The following TENM2 variants were observed in gnomAD, a reference collection of about 807,000 sequenced individuals.
The protein encoded by TENM2 is teneurin transmembrane protein 2.
Under a neutral mutation model 245.2 loss-of-function variants are expected in TENM2, and 52 were observed. The observed-to-expected ratio is 0.21, with a 90% CI of 0.17 to 0.27. The LOEUF (loss-of-function observed/expected upper bound fraction) is 0.27. Ranked by LOEUF, TENM2 falls within the 10% of genes least tolerant of loss-of-function variation. The probability of loss-of-function intolerance (pLI) is 1.00; values close to 1 mark genes in which losing one functional copy is unlikely to be tolerated. For synonymous variants in TENM2, 1,363 were observed against 1,438.9 expected (o/e 0.95, Z 1.19); for missense variants, 3,046 against 3,666.8 (o/e 0.83, Z 4.37).
chr5:167,391,144 T>C (rs1761729058), intron 2 of TENM2, among the ~76,000 whole-genome samples: 1 of 152,208 alleles, frequency 6.6e-6, no homozygotes, highest in African/African-American at 2.4e-5. Flanking sequence ...TCTGTTTTCC[T>C]TAACTACAGG....
At chr5:167,280,652 T>C (rs1770988831), upstream of TENM2, among the ~76,000 whole-genome samples, 1 of 152,090 alleles carries the variant, frequency 6.6e-6, no homozygotes, top group Admixed American at 6.6e-5. Flanking sequence ...CATAGTCCTT[T>C]GGCTATATAG....
At chr5:168,226,377 C>A in intron 24 of TENM2, 114 bp downstream of exon 26, 1 of 873,202 alleles carries the variant, frequency 1.1e-6, no homozygotes, top group Non-Finnish European at 1.7e-6. Context: ...CCCAGCGTAC[C>A]CCTAGCTTTC....
the TENM2 span, among the ~76,000 whole-genome samples, chr5:167,021,015 G>A: frequency 6.6e-6 from 1 of 152,226 alleles, no homozygotes; most frequent in South Asian, 2.1e-4. Context: ...ATGGTGGCAG[G>A]TGCCTGTAGT....
At position 167,966,532 on chromosome 5, in the gene TENM2, A is replaced by G. The variant is rs537344876; in HGVS notation, c.947+13710A>G. On this transcript the variant is annotated intron_variant, in intron 4 of 28. Coordinates refer to ENST00000518659, the Ensembl canonical transcript of TENM2. Reference sequence around the variant, plus strand: ...CACTTTTTGTCTTCAAGAAGAAGCAATCTTAGACTAATCTGGATGCCTTAT... The same window carrying G: ...CACTTTTTGTCTTCAAGAAGAAGCAGTCTTAGACTAATCTGGATGCCTTAT... Among the ~76,000 whole-genome samples, 31 of 152,338 alleles carry G rather than the reference A, an allele frequency of 2.0e-4. No homozygotes were observed. In the East Asian group the frequency reaches 2.1e-3, roughly 10 times the overall value.
intron 2 of TENM2, among the ~76,000 whole-genome samples, chr5:167,632,522 T>C (rs1310542189): frequency 6.6e-6 from 1 of 152,028 alleles, no homozygotes; most frequent in Non-Finnish European, 1.5e-5. Flanking sequence ...ATCTACCCAG[T>C]TGAGAGACAT....
chr5:168,221,257 C>G (rs1315712188), intron 23 of TENM2, among the ~76,000 whole-genome samples: 3 of 151,860 alleles, frequency 2.0e-5, no homozygotes, highest in African/African-American at 7.3e-5. Flanking sequence ...TCTTTTTTTT[C>G]TGCATAGAAC....
intron 2 of TENM2, among the ~76,000 whole-genome samples, chr5:167,576,460 A>G (rs1774694789): frequency 6.6e-6 from 1 of 152,124 alleles, no homozygotes; most frequent in African/African-American, 2.4e-5. Context: ...ATATTGAATC[A>G]TTACCGTTTA....
chr5:167,094,279 A>G, the TENM2 span, among the ~76,000 whole-genome samples: 2 of 152,128 alleles, frequency 1.3e-5, no homozygotes, highest in Admixed American at 1.3e-4. Flanking sequence ...CCATCATCAT[A>G]ATAAATTCCA....
intron 1 of TENM2, chr5:167,306,686 T>TTATATAGTCCCCACACA (rs2127745586): frequency 6.6e-6 from 1 of 152,246 alleles, no homozygotes; most frequent in Non-Finnish European, 1.5e-5. Flanking sequence ...TTCGTATCAT[T>TTATATAGTCCCCACACA]TATATAGTCC....
chr5:168,004,517 G>GCGCACACACACACA (rs898616203), intron 5 of TENM2, among the ~76,000 whole-genome samples: 12 of 132,152 alleles, frequency 9.1e-5, no homozygotes, highest in South Asian at 2.7e-4. Flanking sequence ...GCGCGCGCGC[G>GCGCACACACACACA]CACACACACA....
intron 2 of TENM2, among the ~76,000 whole-genome samples, chr5:167,736,565 T>TAA (rs1331889176): frequency 6.6e-6 from 1 of 151,056 alleles, no homozygotes; most frequent in Non-Finnish European, 1.5e-5. Context: ...AAGGTCTCAG[T>TAA]AAAAGATAAT....
intron 2 of TENM2, among the ~76,000 whole-genome samples, chr5:167,562,278 C>T (rs959444773): frequency 6.6e-6 from 1 of 152,094 alleles, no homozygotes; most frequent in Non-Finnish European, 1.5e-5. Flanking sequence ...CCTTTATTCC[C>T]CACACAAGAG....
At chr5:167,397,778 CT>C (rs1339962406) in intron 2 of TENM2, among the ~76,000 whole-genome samples, 1 of 152,108 alleles carries the variant, frequency 6.6e-6, no homozygotes, top group Non-Finnish European at 1.5e-5. Flanking sequence ...TCTCATATAT[CT>C]TTGTTTGCTT....
chr5:167,967,167 T>C (rs1260118672), intron 4 of TENM2: 1 of 152,140 alleles, frequency 6.6e-6, no homozygotes, highest in Non-Finnish European at 1.5e-5. Flanking sequence ...CTTTTTTTTT[T>C]CTTGGCAGAT....
rs1561628920 is a variant in TENM2, at chr5:167,640,878, T to TAG, written c.503-235107_503-235106insGA. Among the ~76,000 whole-genome samples the TAG allele has an allele frequency of 2.2e-4, 13 of 60,294 alleles. 1 individual carries two copies. Among genetic ancestry groups the TAG allele is most frequent in the Non-Finnish European group, 2.8e-4 (10 of 36,132 alleles). The allele number at this position is 60,294 out of a possible 152,430, so 39.6% of individuals were successfully genotyped here. On this transcript the variant is annotated intron_variant, in intron 2 of 28. Coordinates refer to ENST00000518659, the Ensembl canonical transcript of TENM2. ...ATATATCCATATATATATATATATA[T>TAG]ATATATATATATATATATATATATA...
chr5:167,016,784 C>T, the TENM2 span, among the ~76,000 whole-genome samples: 4 of 152,044 alleles, frequency 2.6e-5, no homozygotes, highest in African/African-American at 4.8e-5. Flanking sequence ...AACTGTTTCC[C>T]CTACTTTTTA....
chr5:168,047,581 G>C, intron 6 of TENM2, 32 bp downstream of exon 8: 1 of 1,547,904 alleles, frequency 6.5e-7, no homozygotes, highest in Non-Finnish European at 8.7e-7. Context: ...GCCCTCTTGA[G>C]GTCACAGGAA....
chr5:167,559,999 A>C (rs1773484725), intron 2 of TENM2, among the ~76,000 whole-genome samples: 1 of 150,254 alleles, frequency 6.7e-6, no homozygotes, highest in African/African-American at 2.5e-5. Context: ...CACCCCTCCC[A>C]CTCTGTGGCG....
chr5:168,205,132 G>A (rs1319194277), intron 19 of TENM2, among the ~76,000 whole-genome samples: 1 of 152,146 alleles, frequency 6.6e-6, no homozygotes, highest in African/African-American at 2.4e-5. Flanking sequence ...AGACCCCTCT[G>A]TGCTGGGAAA....
Sources: gnomAD v4.1 joint callset for allele counts (sites outside exome capture counted in the v4.1 genomes callset) on GRCh38, gnomAD v4.1.1 for gene constraint, MANE v1.5 for transcripts, NCBI Gene and HGNC (gene_info 2026-07-23, HGNC 2026-07-21) for gene names.